The following PTPRN2 variants were observed in gnomAD, a reference collection of about 807,000 sequenced individuals.
The protein encoded by PTPRN2 is protein tyrosine phosphatase receptor type N2.
A neutral mutation model predicts 118.8 loss-of-function variants in PTPRN2; 74 were observed. The observed-to-expected ratio is 0.62, with a 90% confidence interval of 0.52 to 0.76. The LOEUF (loss-of-function observed/expected upper bound fraction) is 0.76. Among genes scored for constraint, PTPRN2 ranks in the 30% least tolerant of loss-of-function variants. The pLI is 0.00. For synonymous variants in PTPRN2, 641 were observed against 608.0 expected (o/e 1.05, Z -0.80); for missense variants, 1,481 against 1,394.4 (o/e 1.06, Z -0.99).
chr7:158,517,274 C>T lies in PTPRN2; in HGVS notation c.113-27489G>A, dbSNP rs547510700. ...GGGGGTGCAAGCCTGCAAGACCAAA[C>T]AGCCCACAGCCTTGGAGGAGGCAGA... On this transcript the variant is annotated intron_variant, in intron 1 of 22. Coordinates refer to ENST00000389418, the MANE Select transcript of PTPRN2 (RefSeq NM_002847.5). This position sits in a 1 kb window ranked among gnomAD's most constrained non-coding sequence, Gnocchi z 5.3. Among the ~76,000 whole-genome samples, 276 of 152,350 alleles carry T rather than the reference C, an allele frequency of 1.8e-3. 1 individual carries two copies. Among genetic ancestry groups the T allele is most frequent in the African/African-American group, 4.2e-3 (176 of 41,582 alleles).
At chr7:158,354,490 AAC>A (rs925417081) in intron 2 of PTPRN2, among the ~76,000 whole-genome samples, 3 of 7,324 alleles carry the variant, frequency 4.1e-4, no homozygotes, top group South Asian at 5.6e-3. Flanking sequence ...GAAAGTTAAC[AAC>A]AGATTGAAAT....
At chr7:158,533,615 C>A (rs866916922) in intron 1 of PTPRN2, among the ~76,000 whole-genome samples, 20 of 152,342 alleles carry the variant, frequency 1.3e-4, no homozygotes, top group African/African-American at 4.3e-4. Context: ...CAGAGACCGT[C>A]CTGACCCCAG....
At chr7:158,444,142 C>T (rs1424800466) in intron 2 of PTPRN2, among the ~76,000 whole-genome samples, 2 of 152,236 alleles carry the variant, frequency 1.3e-5, no homozygotes, top group Non-Finnish European at 2.9e-5. Context: ...GAGACAGGCA[C>T]CTGCCCCAGG....
rs565697308 is a variant in PTPRN2 at position 158,509,219 on chromosome 7, A to G, written c.113-19434T>C. Among the ~76,000 whole-genome samples, 1 of 152,264 alleles carries G rather than the reference A, an allele frequency of 6.6e-6. No individual in the cohort carries two copies. The highest frequency in any genetic ancestry group is 2.4e-5 in the African/African-American group (1 of 41,556). ...GACCAGTGGACAGGCTGCAGCTCAC[A>G]GGGTCCTTGCTCAAAGGCGGCAGCA... On this transcript the variant is annotated intron_variant, in intron 1 of 22. Transcript: ENST00000389418. This position sits in a 1 kb window ranked among gnomAD's most constrained non-coding sequence, Gnocchi z 4.4.
chr7:157,640,420 G>C (rs1804600991), intron 14 of PTPRN2, among the ~76,000 whole-genome samples: 1 of 152,212 alleles, frequency 6.6e-6, no homozygotes, highest in Non-Finnish European at 1.5e-5. Flanking sequence ...TAAGGGACAT[G>C]GGAATAAGAA....
At chr7:158,085,664 G>C in intron 10 of PTPRN2, among the ~76,000 whole-genome samples, 1 of 101,496 alleles carries the variant, frequency 9.9e-6, no homozygotes, top group South Asian at 3.5e-4. Context: ...CCACACCCAC[G>C]ACGCCCATCC....
intron 11 of PTPRN2, among the ~76,000 whole-genome samples, chr7:158,078,554 G>C (rs1184777145): frequency 6.6e-6 from 1 of 152,244 alleles, no homozygotes; most frequent in African/African-American, 2.4e-5. Flanking sequence ...CTGCTATCAT[G>C]TCAGCCTGTC....
intron 10 of PTPRN2, among the ~76,000 whole-genome samples, chr7:158,106,058 C>G (rs1317740358): frequency 6.6e-6 from 1 of 152,066 alleles, no homozygotes; most frequent in Non-Finnish European, 1.5e-5. Context: ...ATCTCCATTC[C>G]AACTCCATTC....
chr7:157,641,279 C>T (rs1213501830), intron 14 of PTPRN2, among the ~76,000 whole-genome samples: 1 of 152,134 alleles, frequency 6.6e-6, no homozygotes, highest in Non-Finnish European at 1.5e-5. Flanking sequence ...CATTCATTCC[C>T]ACAGAAGGCA....
chr7:157,743,200 G>A (rs1049193495), intron 12 of PTPRN2, among the ~76,000 whole-genome samples: 3 of 152,204 alleles, frequency 2.0e-5, no homozygotes, highest in African/African-American at 7.2e-5. Context: ...GGTGAGGGCA[G>A]GGGAGGCAGC....
At chr7:158,245,788 C>T (rs1796208723) in intron 3 of PTPRN2, among the ~76,000 whole-genome samples, 1 of 152,150 alleles carries the variant, frequency 6.6e-6, no homozygotes, top group African/African-American at 2.4e-5. Flanking sequence ...CGGCTCAGGG[C>T]CGGCACACAG....
chr7:157,634,902 C>T (rs1469966101), intron 14 of PTPRN2, among the ~76,000 whole-genome samples: 1 of 152,224 alleles, frequency 6.6e-6, no homozygotes, highest in African/African-American at 2.4e-5. Flanking sequence ...TCCTTGGACA[C>T]CGCGTGTGGG....
At position 157,604,048 on chromosome 7, in the gene PTPRN2, G is replaced by A. The variant is rs146720941; in HGVS notation, c.2372C>T (p.Ala791Val). Reference sequence around the variant, plus strand: ...GTCTGAGTGGCTGTGGCTGTTCTCCGCCTTCAGCAGGACCCGGGAGTGGTC... The same window carrying A: ...GTCTGAGTGGCTGTGGCTGTTCTCCACCTTCAGCAGGACCCGGGAGTGGTC... ...TYDHSRVLLK[A>V]ENSHSHSDYI... is the part of the protein sequence containing the mutation. Residue 791 changes from alanine (A) to valine (V), a missense_variant, in exon 16 of 23, where the codon GCG (alanine) becomes GTG (valine). Coordinates refer to ENST00000389418, the MANE Select transcript of PTPRN2 (RefSeq NM_002847.5). 4.6e-4 allele frequency: 736 copies of A among 1,613,736 alleles called. 7 individuals are homozygous for A. The South Asian group carries it at 6.3e-3, about 14-fold the overall frequency.
rs574747783 is a variant in PTPRN2, at chr7:158,307,815, T to C, written c.277+9004A>G. ...AAACTGGGTCATGAGGGCTCTGCCC[T>C]CATGAATGGATTAATCCACTCATGA... On this transcript the variant is annotated intron_variant, in intron 3 of 22. Transcript: ENST00000389418. Among the ~76,000 whole-genome samples, 7 of 152,278 alleles carry C rather than the reference T, an allele frequency of 4.6e-5. 1 individual carries two copies. In the South Asian group the frequency reaches 1.0e-3, roughly 23 times the overall value.
At chr7:157,670,079 G>GGGGAGCAGCAAGGGGCACGGC in intron 13 of PTPRN2, among the ~76,000 whole-genome samples, 1 of 152,174 alleles carries the variant, frequency 6.6e-6, no homozygotes, top group Non-Finnish European at 1.5e-5. Flanking sequence ...GGCAGCCCTG[G>GGGGAGCAGCAAGGGGCACGGC]GGGAGCAGCA....
At chr7:158,315,409 G>A (rs1406894745) in intron 3 of PTPRN2, among the ~76,000 whole-genome samples, 2 of 145,530 alleles carry the variant, frequency 1.4e-5, no homozygotes, top group Non-Finnish European at 1.5e-5. Flanking sequence ...AACCCAGGAC[G>A]CCCTCAAGGA....
At chr7:158,358,448 T>C (rs1808565433) in intron 2 of PTPRN2, among the ~76,000 whole-genome samples, 1 of 152,030 alleles carries the variant, frequency 6.6e-6, no homozygotes, top group African/African-American at 2.4e-5. Context: ...ACGGAAATGG[T>C]TTCATGAAAA....
intron 9 of PTPRN2, among the ~76,000 whole-genome samples, chr7:158,130,969 C>T (rs1818182753): frequency 6.6e-6 from 1 of 151,670 alleles, no homozygotes; most frequent in Non-Finnish European, 1.5e-5. Context: ...CCAACACACA[C>T]ATATACACAA....
In PTPRN2 at chr7:157,738,708, G is replaced by C. The variant is rs552920760; in HGVS notation, c.1789-55771C>G. ...GCTCTGTGCTGTTGTTTCTGGATACGTGCTTGTTTTAGGGTTTTGTATGTA... is the reference window on the plus strand; with the variant it reads ...GCTCTGTGCTGTTGTTTCTGGATACCTGCTTGTTTTAGGGTTTTGTATGTA... On this transcript the variant is annotated intron_variant, in intron 12 of 22. Coordinates refer to ENST00000389418, the MANE Select transcript of PTPRN2 (RefSeq NM_002847.5). Among the ~76,000 whole-genome samples the C allele has an allele frequency of 3.9e-4, 60 of 152,258 alleles. No individual in the cohort carries two copies. The South Asian group carries it at 0.01, about 26-fold the overall frequency.
Sources: gnomAD v4.1 joint callset for allele counts (sites outside exome capture counted in the v4.1 genomes callset) on GRCh38, gnomAD v4.1.1 for gene constraint, Gnocchi (gnomAD v3.1) non-coding constraint, MANE v1.5 for transcripts, NCBI Gene and HGNC (gene_info 2026-07-23, HGNC 2026-07-21) for gene names.